ZFHX3: variants seen among roughly 807,000 people sequenced by gnomAD.
ZFHX3 encodes the protein zinc finger homeobox protein 3.
A neutral mutation model predicts 279.1 loss-of-function variants in ZFHX3; 42 were observed. That is an observed-to-expected ratio of 0.15 (90% CI 0.12 to 0.19). ZFHX3 has a LOEUF of 0.19. Ranked by LOEUF, ZFHX3 falls within the 10% of genes least tolerant of loss-of-function variation. ZFHX3 has a pLI of 1.00. For missense variants in ZFHX3, 4,981 were observed against 4,754.0 expected (o/e 1.05, Z -1.40); for synonymous variants, 2,293 against 1,957.8 (o/e 1.17, Z -4.52).
At chr16:73,439,337 AG>A (rs2143532760) in intron 3 of ZFHX3, among the ~76,000 whole-genome samples, 1 of 152,230 alleles carries the variant, frequency 6.6e-6, no homozygotes, top group Non-Finnish European at 1.5e-5. Context: ...TTTTCATGCC[AG>A]CTTTGTTCAT....
chr16:73,464,561 T>C (rs1406547227), intron 2 of ZFHX3, among the ~76,000 whole-genome samples: 1 of 120,904 alleles, frequency 8.3e-6, no homozygotes, highest in Non-Finnish European at 1.6e-5. Context: ...TCTATAGCCC[T>C]GAAAACCAAT....
intron 1 of ZFHX3, among the ~76,000 whole-genome samples, chr16:73,836,514 G>T (rs1961148632): frequency 6.6e-6 from 1 of 152,170 alleles, no homozygotes; most frequent in South Asian, 2.1e-4. Context: ...AAATGTAACT[G>T]AAGTAGTCAT....
chr16:73,066,925 C>G (rs1445123760), intron 8 of ZFHX3, among the ~76,000 whole-genome samples: 1 of 152,106 alleles, frequency 6.6e-6, no homozygotes, highest in Non-Finnish European at 1.5e-5. Flanking sequence ...GACCCTGAAC[C>G]CAACTGCAGG....
chr16:73,822,833 T>A lies in ZFHX3; in HGVS notation c.-1608+68818A>T, dbSNP rs1022126254. On this transcript the variant is annotated intron_variant, in intron 1 of 17. Transcript: ENST00000641206. The stretch of plus-strand genomic sequence containing the variant: ...AGAGCAACAAGTCATTAATTTGTAT[T>A]CCTTAAATAACTTATTAAGGCTACA... 1.1e-3 allele frequency among the ~76,000 whole-genome samples: 166 copies of A among 152,374 alleles called. 3 individuals are homozygous for A. Among genetic ancestry groups the A allele is most frequent in the Middle Eastern group, 3.4e-3 (1 of 294 alleles).
chr16:73,234,136 A>C (rs1004392927), intron 5 of ZFHX3, among the ~76,000 whole-genome samples: 1 of 152,056 alleles, frequency 6.6e-6, no homozygotes, highest in Non-Finnish European at 1.5e-5. Context: ...AGGGAAAGGG[A>C]GCGAAGTCAG....
At chr16:73,053,968 C>T (rs958978559) in intron 1 of ZFHX3, among the ~76,000 whole-genome samples, 4 of 150,596 alleles carry the variant, frequency 2.7e-5, no homozygotes, top group Non-Finnish European at 4.4e-5. Context: ...TCACCAGGGT[C>T]GACACATCAG....
chr16:73,327,022 T>C (rs577915385), intron 3 of ZFHX3, among the ~76,000 whole-genome samples: 1 of 152,356 alleles, frequency 6.6e-6, no homozygotes, highest in East Asian at 1.9e-4. Flanking sequence ...GAGGAAACCG[T>C]ATCTCAAAAG....
At chr16:73,051,134 C>A (rs948320741), upstream of ZFHX3, among the ~76,000 whole-genome samples, 1 of 152,228 alleles carries the variant, frequency 6.6e-6, no homozygotes, top group Admixed American at 6.5e-5. Context: ...TTTCACAGTA[C>A]AGCGGGTTTA....
At chr16:73,510,826 C>T (rs1464525828) in intron 2 of ZFHX3, among the ~76,000 whole-genome samples, 1 of 152,246 alleles carries the variant, frequency 6.6e-6, no homozygotes, top group East Asian at 1.9e-4. Flanking sequence ...CCTAAGTCCA[C>T]ACCTTAGGGT....
intron 4 of ZFHX3, among the ~76,000 whole-genome samples, chr16:72,886,050 T>C (rs2038614168): frequency 6.6e-6 from 1 of 152,210 alleles, no homozygotes; most frequent in African/African-American, 2.4e-5. Flanking sequence ...ACCAGGTCCA[T>C]AATGTCCGTT....
At chr16:73,589,394 C>G (rs2051967151) in intron 2 of ZFHX3, among the ~76,000 whole-genome samples, 1 of 145,112 alleles carries the variant, frequency 6.9e-6, no homozygotes, top group African/African-American at 2.6e-5. Context: ...TATGATCACA[C>G]TACTATACTC....
chr16:73,270,114 T>G (rs1163313658), intron 4 of ZFHX3, among the ~76,000 whole-genome samples: 1 of 152,190 alleles, frequency 6.6e-6, no homozygotes, highest in African/African-American at 2.4e-5. Flanking sequence ...TTCATCCTTG[T>G]CAACACTTGG....
upstream of ZFHX3, among the ~76,000 whole-genome samples, chr16:73,063,482 C>G (rs139932259): frequency 9.3e-4 from 141 of 152,262 alleles, no homozygotes; most frequent in Middle Eastern, 3.4e-3. Context: ...TCTGAGCGTC[C>G]GGAATCGCTC....
chr16:73,447,243 C>A (rs552326265), intron 3 of ZFHX3, among the ~76,000 whole-genome samples: 2 of 147,532 alleles, frequency 1.4e-5, no homozygotes, highest in South Asian at 2.2e-4. Context: ...ATAAAAGGAA[C>A]AAGAAGTAGT....
chr16:73,348,456 C>T (rs923808659), intron 3 of ZFHX3, among the ~76,000 whole-genome samples: 2 of 152,144 alleles, frequency 1.3e-5, no homozygotes, highest in Non-Finnish European at 2.9e-5. Flanking sequence ...GAAAGAATTC[C>T]GTTCAATATA....
intron 3 of ZFHX3, among the ~76,000 whole-genome samples, chr16:73,333,021 A>C (rs558227900): frequency 6.6e-6 from 1 of 151,206 alleles, no homozygotes; most frequent in South Asian, 2.1e-4. Context: ...TGCTCCTTCC[A>C]TCTCTCTGTC....
chr16:72,923,338 G>A (rs1019900009), intron 3 of ZFHX3, among the ~76,000 whole-genome samples: 4 of 151,872 alleles, frequency 2.6e-5, no homozygotes, highest in African/African-American at 9.7e-5. Flanking sequence ...CCAGCTACTC[G>A]GGAGGCAGAG....
intron 2 of ZFHX3, among the ~76,000 whole-genome samples, chr16:72,953,259 A>T (rs1961083444): frequency 6.6e-6 from 1 of 151,574 alleles, no homozygotes; most frequent in African/African-American, 2.4e-5. Flanking sequence ...TAACTATGTC[A>T]TTCTTTTTAG....
upstream of ZFHX3, among the ~76,000 whole-genome samples, chr16:73,063,223 G>A (rs892876380): frequency 2.0e-5 from 3 of 152,226 alleles, no homozygotes; most frequent in African/African-American, 7.2e-5. Context: ...CCCGGGGAAG[G>A]GGCTGCTCTC....
Sources: gnomAD v4.1 joint callset for allele counts (sites outside exome capture counted in the v4.1 genomes callset) on GRCh38, gnomAD v4.1.1 for gene constraint, MANE v1.5 for transcripts, NCBI Gene and HGNC (gene_info 2026-07-23, HGNC 2026-07-21) for gene names.